Variants in MGAM observed in about 807,000 individuals in gnomAD.
MGAM encodes alpha-1,4-glucosidase.
Under a neutral mutation model 358.8 loss-of-function variants are expected in MGAM, and 253 were observed. That is an observed-to-expected ratio of 0.71 (90% CI 0.64 to 0.78). MGAM has a LOEUF of 0.78. Ranked by LOEUF, MGAM falls within the 30% of genes least tolerant of loss-of-function variation. The pLI is 0.00. For missense variants in MGAM, 3,080 were observed against 3,432.6 expected, an observed-to-expected ratio of 0.90 and a Z score of 2.57; for synonymous variants, 1,105 against 1,227.1, an observed-to-expected ratio of 0.90 and a Z score of 2.08.
intron 26 of MGAM, among the ~76,000 whole-genome samples, chr7:142,053,218 C>T (rs994719734): frequency 2.6e-5 from 4 of 151,992 alleles, no homozygotes; most frequent in Admixed American, 6.6e-5. Context: ...AGAGTAGGTA[C>T]GGAGAGACAA....
At chr7:142,100,744 C>A (rs1816370656) in intron 67 of MGAM, 58 bp from the exon 68 acceptor site, 2 of 1,446,764 alleles carry the variant, frequency 1.4e-6, no homozygotes, top group East Asian at 4.8e-5. Flanking sequence ...TATGTAAAGT[C>A]TTGGTTTGTG....
At chr7:142,073,314 C>T (rs1207940753) in intron 44 of MGAM, among the ~76,000 whole-genome samples, 4 of 146,094 alleles carry the variant, frequency 2.7e-5, no homozygotes, top group African/African-American at 7.3e-5. Context: ...ATAATGGAAA[C>T]TAACTCTCTT....
rs551977366 is a variant in MGAM, at chr7:142,016,928, G to A, written c.328-2271G>A. Among the ~76,000 whole-genome samples the A allele has an allele frequency of 5.0e-4, 76 of 152,242 alleles. 1 individual carries two copies. Among genetic ancestry groups the A allele is most frequent in the Middle Eastern group, 6.8e-3 (2 of 294 alleles). ...ATTTGTTTTCCCCTTTACTTTCAGG[G>A]CTTTTGTGAGCTTTAGTTTAGGATG... On this transcript the variant is annotated intron_variant, in intron 3 of 70. Transcript: ENST00000475668.
Position 142,052,834 on chromosome 7 carries a change from C to T in MGAM, c.3009C>T (p.Tyr1003=), listed in dbSNP as rs558423138. 1.5e-5 allele frequency: 24 copies of T among 1,613,766 alleles called. 1 individual carries two copies. The African/African-American group carries it at 2.0e-4, about 13-fold the overall frequency. Residue 1003 remains tyrosine (Y), a synonymous_variant, in exon 26 of 71, where the codon TAC becomes TAT. Transcript: ENST00000475668. Reference sequence around the variant, plus strand: ...TTTGCTATTTTGTCAACGACCTATACTCTGTCAGTGATGTTCAGTATAATT... The same window carrying T: ...TTTGCTATTTTGTCAACGACCTATATTCTGTCAGTGATGTTCAGTATAATT... ...VPFCYFVNDL[Y]SVSDVQYNSH... is the part of the protein sequence containing the mutation.
At chr7:142,084,785 C>T (rs1814612009) in intron 54 of MGAM, 141 bp downstream of exon 54, 3 of 1,185,888 alleles carry the variant, frequency 2.5e-6, no homozygotes, top group African/African-American at 1.4e-5. Flanking sequence ...CTCACCCCAG[C>T]ACAGTAATAG....
chr7:142,060,100 C>T, intron 33 of MGAM, 134 bp downstream of exon 33: 4 of 1,268,530 alleles, frequency 3.2e-6, no homozygotes, highest in Non-Finnish European at 4.4e-6. Context: ...GTCAGAAGCT[C>T]TCCTTTTCTC....
chr7:142,010,715 G>A (rs1347605573), intron 3 of MGAM, among the ~76,000 whole-genome samples: 2 of 152,070 alleles, frequency 1.3e-5, no homozygotes, highest in African/African-American at 2.4e-5. Context: ...ACATATAGTG[G>A]TTTATTACTG....
intron 22 of MGAM, 131 bp downstream of exon 22, chr7:142,048,004 T>C (rs1810549232): frequency 4.1e-6 from 3 of 728,988 alleles, no homozygotes; most frequent in Non-Finnish European, 6.9e-6. Context: ...TTAAGTATTT[T>C]GTTTCTGGTT....
chr7:142,008,227 A>T (rs1554453097), intron 2 of MGAM, among the ~76,000 whole-genome samples: 1 of 152,202 alleles, frequency 6.6e-6, no homozygotes, highest in African/African-American at 2.4e-5. Context: ...GGTGGTCCCC[A>T]CCTTCATGAG....
rs550844542 is a variant in MGAM, at chr7:142,067,688, A to G, written c.5004+263A>G. ...TCATGGAATAGTCAATGACACAATCATTTCTTCGTTAACTAAAATAATTAA... is the reference window on the plus strand; with the variant it reads ...TCATGGAATAGTCAATGACACAATCGTTTCTTCGTTAACTAAAATAATTAA... On this transcript the variant is annotated intron_variant, in intron 42 of 70. Transcript: ENST00000475668. Among the ~76,000 whole-genome samples the G allele has an allele frequency of 7.7e-4, 109 of 141,588 alleles. 5 individuals carry two copies. Among genetic ancestry groups the G allele is most frequent in the African/African-American group, 2.4e-3 (96 of 40,724 alleles). 92.9% of individuals were successfully genotyped at this position (141,588 alleles called of 152,430 possible). A position where few individuals can be genotyped will look rare whatever the true frequency, so the allele number is the denominator to read the frequency against.
At position 142,096,360 on chromosome 7, in the gene MGAM, T is replaced by C. The variant is rs1289251193; in HGVS notation, c.7637T>C (p.Ile2546Thr). ...GTGTCAGACCAGGTGACATGGGACA[T>C]AGACAGTCAGTTCCTGCTGGGCCCA... ...EFVSDQVTWD[I>T]DSQFLLGPAF... Residue 2546 changes from isoleucine to threonine, a missense_variant, in exon 65 of 71, where the codon ATA (isoleucine) becomes ACA (threonine). Ile to Thr is a moderately conservative substitution (Grantham distance 89, BLOSUM62 -1). Coordinates refer to ENST00000475668, the MANE Select transcript of MGAM (RefSeq NM_001365693.1). 2 of 1,613,602 alleles carry C rather than the reference T, an allele frequency of 1.2e-6. No individual in the cohort carries two copies. Among genetic ancestry groups the C allele is most frequent in the East Asian group, 2.2e-5 (1 of 44,882 alleles).
rs1205948753 is a variant in MGAM, at chr7:142,070,560, T to C, written c.5062-434T>C. 4.1e-5 allele frequency among the ~76,000 whole-genome samples: 6 copies of C among 145,930 alleles called. 1 individual carries two copies. The highest frequency in any genetic ancestry group is 3.1e-5 in the Non-Finnish European group (2 of 64,508). ...CAACAGGCTGGGGGTGAGGAGGCTA[T>C]GCGGCTGACATCTGAGGATTCTGCT... On this transcript the variant is annotated intron_variant, in intron 43 of 70. Transcript: ENST00000475668.
intron 1 of MGAM, among the ~76,000 whole-genome samples, chr7:142,003,077 A>T (rs1159454419): frequency 1.3e-5 from 2 of 152,170 alleles, no homozygotes; most frequent in Non-Finnish European, 2.9e-5. Flanking sequence ...TGTAGATGAC[A>T]CAAATTGGAA....
intron 54 of MGAM, 75 bp from the exon 55 acceptor site, chr7:142,085,758 T>C: frequency 6.9e-7 from 1 of 1,457,696 alleles, no homozygotes; most frequent in African/African-American, 1.4e-5. Context: ...CCACCATGGG[T>C]GGTGGAGGCT....
At chr7:141,992,901 C>T (rs1804008683), upstream of MGAM, among the ~76,000 whole-genome samples, 1 of 151,892 alleles carries the variant, frequency 6.6e-6, no homozygotes, top group Non-Finnish European at 1.5e-5. Context: ...TGGCACTCGG[C>T]CAGCCTCCAT....
chr7:142,020,603 A>G (rs375680931), intron 4 of MGAM, among the ~76,000 whole-genome samples: 25 of 132,620 alleles, frequency 1.9e-4, no homozygotes, highest in African/African-American at 7.1e-4. Context: ...ATATATATAT[A>G]TTTTTTTTTT....
At chr7:142,044,162 A>ATATGTACAT (rs1809592719) in intron 21 of MGAM, among the ~76,000 whole-genome samples, 1 of 143,806 alleles carries the variant, frequency 7.0e-6, no homozygotes, top group African/African-American at 2.5e-5. Context: ...ACGACGTATA[A>ATATGTACAT]TATATACATT....
chr7:142,020,045 G>C, intron 4 of MGAM, among the ~76,000 whole-genome samples: 1 of 148,438 alleles, frequency 6.7e-6, no homozygotes, highest in East Asian at 2.0e-4. Flanking sequence ...CTCCAGCCTG[G>C]GTGACAGAGC....
rs782260235 is a variant in MGAM at position 142,008,668 on chromosome 7, A to T, written c.290A>T (p.Glu97Val). 6.2e-7 allele frequency: 1 copy of T among 1,613,444 alleles called. No individual in the cohort carries two copies. Among genetic ancestry groups the T allele is most frequent in the South Asian group, 1.1e-5 (1 of 91,066 alleles). ...SAECPVVNEL[E>V]RINCIPDQPP... The stretch of plus-strand genomic sequence containing the variant: ...GAATGTCCAGTGGTAAATGAATTGG[A>T]ACGAATTAATTGCATCCCTGACCAG... The change falls in exon 3 of 71, where the codon GAA becomes GTA. Residue 97 changes from glutamate to valine, a missense_variant. Coordinates refer to ENST00000475668, the MANE Select transcript of MGAM (RefSeq NM_001365693.1).
Sources: allele counts gnomAD v4.1 joint callset (sites outside exome capture counted in the v4.1 genomes callset), GRCh38; gene constraint gnomAD v4.1.1; transcripts MANE v1.5; gene names NCBI Gene and HGNC (gene_info 2026-07-23, HGNC 2026-07-21).